The following NIPAL2 variants were observed in gnomAD, a reference collection of about 807,000 sequenced individuals.
The protein encoded by NIPAL2 is NIPA-like protein 2.
A neutral mutation model predicts 48.9 loss-of-function variants in NIPAL2; 43 were observed. The observed-to-expected ratio is 0.88, with a 90% CI of 0.69 to 1.13. The LOEUF (loss-of-function observed/expected upper bound fraction) is 1.13, where lower values mean the gene tolerates loss of function less well. Among genes scored for constraint, NIPAL2 ranks in the 50% most tolerant of loss-of-function variants. The pLI is 0.00. For missense variants in NIPAL2, 446 were observed against 461.4 expected, an observed-to-expected ratio of 0.97 and a Z score of 0.31; for synonymous variants, 167 against 174.6, an observed-to-expected ratio of 0.96 and a Z score of 0.34.
At position 98,252,417 on chromosome 8, in the gene NIPAL2, A is replaced by T. The variant is rs185122404; in HGVS notation, c.376+46T>A. 5.3e-5 allele frequency: 80 copies of T among 1,496,242 alleles called. No homozygotes were observed. The African/African-American group carries it at 8.8e-4, about 16-fold the overall frequency. The allele number at this position is 1,496,242 out of a possible 1,614,324, so 92.7% of individuals were successfully genotyped here. A position where few individuals can be genotyped will look rare whatever the true frequency, so the allele number is the denominator to read the frequency against. On this transcript the variant is annotated intron_variant, in intron 3 of 10. Coordinates refer to ENST00000430223, the MANE Select transcript of NIPAL2 (RefSeq NM_001321635.2). ...TTCAGTTGTGTGTTTTTCTCCGATTATTCTGCTCTTTAAGTTTCTATTTGT... is the reference window on the plus strand; with the variant it reads ...TTCAGTTGTGTGTTTTTCTCCGATTTTTCTGCTCTTTAAGTTTCTATTTGT...
chr8:98,221,241 G>T (rs1345931113), intron 5 of NIPAL2, among the ~76,000 whole-genome samples: 1 of 151,806 alleles, frequency 6.6e-6, no homozygotes, highest in African/African-American at 2.4e-5. Context: ...CTCCCAAAGT[G>T]CTGGGATTAC....
chr8:98,194,069 T>C (rs1015056924), intron 10 of NIPAL2, among the ~76,000 whole-genome samples: 3 of 152,208 alleles, frequency 2.0e-5, no homozygotes, highest in African/African-American at 7.2e-5. Flanking sequence ...TCTCCACTCC[T>C]GCCTGGAAAC....
At chr8:98,258,187 A>T (rs181899141) in intron 1 of NIPAL2, among the ~76,000 whole-genome samples, 1 of 152,242 alleles carries the variant, frequency 6.6e-6, no homozygotes, top group Non-Finnish European at 1.5e-5. Context: ...CAGATAGTCA[A>T]ATTCATGAAG....
In NIPAL2 at chr8:98,294,127, A is replaced by C; in HGVS notation, c.11T>G (p.Val4Gly). The C allele has an allele frequency of 6.8e-7, 1 of 1,463,304 alleles. No individual in the cohort carries two copies. The highest frequency in any genetic ancestry group is 9.0e-7 in the Non-Finnish European group (1 of 1,106,672). The allele number at this position is 1,463,304 out of a possible 1,614,324, so 90.6% of individuals were successfully genotyped here. Residue 4 changes from valine (V) to glycine (G), a missense_variant, in exon 1 of 11, where the codon GTG (valine) becomes GGG (glycine). Physicochemically the swap from Val to Gly is moderately radical, Grantham distance 109. Coordinates refer to ENST00000430223, the MANE Select transcript of NIPAL2 (RefSeq NM_001321635.2). The part of the protein sequence containing the change: MAA[V>G]APAGPGDSAS... ...GGAGTCCCCGGGGCCCGCGGGCGCC[A>C]CCGCTGCCATGAGGTCTCGCTCCCG...
chr8:98,196,116 G>A (rs1810531330), intron 8 of NIPAL2, 111 bp from the exon 9 acceptor site: 10 of 659,600 alleles, frequency 1.5e-5, no homozygotes, highest in Non-Finnish European at 1.9e-5. Context: ...AGTAAATTTA[G>A]TCATCCTTAA....
At chr8:98,224,372 C>G (rs1434678353) in intron 4 of NIPAL2, among the ~76,000 whole-genome samples, 1 of 151,920 alleles carries the variant, frequency 6.6e-6, no homozygotes, top group East Asian at 1.9e-4. Flanking sequence ...ATTATATAAA[C>G]TTTTTTGTAT....
At chr8:98,232,151 T>C (rs1267109956) in intron 4 of NIPAL2, among the ~76,000 whole-genome samples, 3 of 152,060 alleles carry the variant, frequency 2.0e-5, no homozygotes, top group Non-Finnish European at 4.4e-5. Flanking sequence ...AAATATGAAG[T>C]GGGTTACGAC....
chr8:98,214,761 TG>T (rs1042581542), intron 5 of NIPAL2, among the ~76,000 whole-genome samples: 2 of 152,196 alleles, frequency 1.3e-5, no homozygotes, highest in African/African-American at 4.8e-5. Context: ...TCATCTAATA[TG>T]GAAGATGAAC....
At chr8:98,223,171 G>A (rs759263662) in intron 4 of NIPAL2, among the ~76,000 whole-genome samples, 1 of 152,190 alleles carries the variant, frequency 6.6e-6, no homozygotes, top group African/African-American at 2.4e-5. Context: ...AATAACAAAG[G>A]TGAATGCTGG....
intron 6 of NIPAL2, among the ~76,000 whole-genome samples, chr8:98,207,680 T>C (rs572107903): frequency 1.3e-5 from 2 of 152,338 alleles, no homozygotes; most frequent in African/African-American, 4.8e-5. Context: ...AAATTGCCTG[T>C]AGTTTCAGCA....
chr8:98,249,077 T>C (rs948041078), intron 3 of NIPAL2, among the ~76,000 whole-genome samples: 14 of 152,168 alleles, frequency 9.2e-5, no homozygotes, highest in African/African-American at 3.4e-4. Context: ...ATCAAGGGAA[T>C]CTCAGATGTG....
chr8:98,208,562 C>T (rs902119267), intron 6 of NIPAL2, among the ~76,000 whole-genome samples: 3 of 152,112 alleles, frequency 2.0e-5, no homozygotes, highest in African/African-American at 7.2e-5. Flanking sequence ...AATTGTCCTG[C>T]CTCAGCCTCC....
chr8:98,260,010 C>A (rs1359741679), intron 1 of NIPAL2, among the ~76,000 whole-genome samples: 1 of 152,128 alleles, frequency 6.6e-6, no homozygotes, highest in East Asian at 1.9e-4. Context: ...AAATAATAGA[C>A]TAAGGTTGAC....
intron 1 of NIPAL2, among the ~76,000 whole-genome samples, chr8:98,265,173 A>C (rs1814631254): frequency 6.8e-6 from 1 of 147,722 alleles, no homozygotes; most frequent in Non-Finnish European, 1.5e-5. Flanking sequence ...AAAACCATAA[A>C]AACCCTAGAA....
Position 98,203,153 on chromosome 8 carries a change from C to T in NIPAL2, c.835G>A (p.Val279Met), listed in dbSNP as rs1284701417. 6.2e-7 allele frequency: 1 copy of T among 1,614,164 alleles called. No homozygotes were observed. The highest frequency in any genetic ancestry group is 8.5e-7 in the Non-Finnish European group (1 of 1,179,984). Residue 279 changes from valine to methionine, a missense_variant, in exon 8 of 11, where the codon GTG (valine) becomes ATG (methionine). Coordinates refer to ENST00000430223, the MANE Select transcript of NIPAL2 (RefSeq NM_001321635.2). ...ATKLYNTTTV[V>M]PVNHIFFTIS... ...GTAAAGAAAATATGATTAACTGGCA[C>T]CACTGTTGTCGTATTGTAGAGTTTC...
Position 98,194,789 on chromosome 8 carries a change from G to T in NIPAL2, c.978C>A (p.Val326=). The part of the protein sequence containing the change: ...CFLSFLGVFL[V]TRNREKEHLQ... ...GATGTTCCTTTTCTCGATTTCTTGT[G>T]ACCAAAAATACACCAAGGAATGACA... Residue 326 remains valine, a synonymous_variant, in exon 10 of 11, where the codon GTC becomes GTA. Coordinates refer to ENST00000430223, the MANE Select transcript of NIPAL2 (RefSeq NM_001321635.2). 6.4e-7 allele frequency: 1 copy of T among 1,571,286 alleles called. No homozygotes were observed. The highest frequency in any genetic ancestry group is 1.2e-5 in the South Asian group (1 of 82,616).
At chr8:98,228,718 G>A (rs775618056) in intron 4 of NIPAL2, among the ~76,000 whole-genome samples, 1 of 152,050 alleles carries the variant, frequency 6.6e-6, no homozygotes, top group Non-Finnish European at 1.5e-5. Context: ...TCTGAGTTAA[G>A]CTTAAAAATT....
intron 5 of NIPAL2, among the ~76,000 whole-genome samples, chr8:98,217,879 C>T (rs1446826104): frequency 1.3e-5 from 2 of 152,156 alleles, no homozygotes. Context: ...TCTCCCAGAA[C>T]TGTAAAATTC....
chr8:98,218,024 T>C (rs796402340), intron 5 of NIPAL2, among the ~76,000 whole-genome samples: 5 of 152,366 alleles, frequency 3.3e-5, no homozygotes, highest in African/African-American at 9.6e-5. Context: ...TCAGTACTTT[T>C]TGTGGAAATA....
Sources: allele counts gnomAD v4.1 joint callset (sites outside exome capture counted in the v4.1 genomes callset), GRCh38; gene constraint gnomAD v4.1.1; transcripts MANE v1.5; gene names NCBI Gene and HGNC (gene_info 2026-07-23, HGNC 2026-07-21).